Variants in SHC3 observed in about 807,000 individuals in gnomAD.
SHC3 encodes SHC adaptor protein 3, also known as SHC-transforming protein 3.
In SHC3, 15 loss-of-function variants were observed where a neutral mutation model predicts 60.4. The observed-to-expected ratio is 0.25, with a 90% CI of 0.17 to 0.38. SHC3 has a LOEUF of 0.38. SHC3 is among the 10% of genes least tolerant of loss of function. The probability of loss-of-function intolerance (pLI) is 1.00; values close to 1 mark genes in which losing one functional copy is unlikely to be tolerated. For missense variants in SHC3, 677 were observed against 786.1 expected, an observed-to-expected ratio of 0.86 and a Z score of 1.66; for synonymous variants, 294 against 325.9, an observed-to-expected ratio of 0.90 and a Z score of 1.05.
chr9:89,107,330 T>C (rs184493447), intron 2 of SHC3, among the ~76,000 whole-genome samples: 6 of 152,356 alleles, frequency 3.9e-5, no homozygotes, highest in Admixed American at 3.9e-4. Context: ...TCTGGGCTCC[T>C]TTCCTGGGTT....
intron 6 of SHC3, among the ~76,000 whole-genome samples, chr9:89,052,464 C>A (rs1824877350): frequency 6.6e-6 from 1 of 152,168 alleles, no homozygotes; most frequent in African/African-American, 2.4e-5. Flanking sequence ...GTCTATAAAG[C>A]ATCAATTCTG....
Position 89,045,843 on chromosome 9 carries a change from C to T in SHC3, c.1114-10G>A, listed in dbSNP as rs189353833. On this transcript the variant is annotated splice_polypyrimidine_tract_variant and intron_variant, in intron 8 of 11. Coordinates refer to ENST00000375835, the MANE Select transcript of SHC3 (RefSeq NM_016848.6). ...GCTCTTTTCCTGCAAACTATAGACACATGTAAATACACAGAATGAAAAAAT... is the reference window on the plus strand; with the variant it reads ...GCTCTTTTCCTGCAAACTATAGACATATGTAAATACACAGAATGAAAAAAT... 4.6e-5 allele frequency: 74 copies of T among 1,611,264 alleles called. No individual in the cohort carries two copies. In the African/African-American group the frequency reaches 8.3e-4, roughly 18 times the overall value.
rs374877030 is a variant in SHC3 at position 89,122,552 on chromosome 9, A to T, written c.475-9926T>A. Among the ~76,000 whole-genome samples the T allele has an allele frequency of 1.2e-4, 18 of 152,336 alleles. 1 individual carries two copies. The highest frequency in any genetic ancestry group is 7.7e-4 in the East Asian group (4 of 5,186). On this transcript the variant is annotated intron_variant, in intron 1 of 11. Coordinates refer to ENST00000375835, the MANE Select transcript of SHC3 (RefSeq NM_016848.6). ...ACCATATGGCTTAGGGATTCAATTA[A>T]ATGTTGGGGATTTTAGACCAAATGC...
At chr9:89,145,071 T>G (rs914107664) in intron 1 of SHC3, among the ~76,000 whole-genome samples, 11 of 152,202 alleles carry the variant, frequency 7.2e-5, no homozygotes, top group African/African-American at 2.7e-4. Flanking sequence ...GCAGTCTGCA[T>G]GCACACAGCA....
intron 2 of SHC3, chr9:89,110,448 G>T: frequency 1.0e-6 from 1 of 985,078 alleles, no homozygotes; most frequent in Non-Finnish European, 1.2e-6. Flanking sequence ...AACCATGGCA[G>T]TGGAGTTTAA....
At chr9:89,043,555 A>C (rs1026974221) in intron 9 of SHC3, among the ~76,000 whole-genome samples, 2 of 152,228 alleles carry the variant, frequency 1.3e-5, no homozygotes, top group African/African-American at 4.8e-5. Flanking sequence ...GACACGTGCC[A>C]TCGTGATACC....
chr9:89,124,243 G>A (rs1826132007), intron 1 of SHC3, among the ~76,000 whole-genome samples: 1 of 152,194 alleles, frequency 6.6e-6, no homozygotes, highest in African/African-American at 2.4e-5. Flanking sequence ...CTGTTGGTAG[G>A]AGTGTAAATT....
chr9:89,162,744 G>A (rs1587764050), intron 1 of SHC3, among the ~76,000 whole-genome samples: 2 of 150,178 alleles, frequency 1.3e-5, no homozygotes, highest in Non-Finnish European at 3.0e-5. Flanking sequence ...TTGACAAATG[G>A]GATCTAATTA....
chr9:89,073,724 A>G (rs1404806633), intron 4 of SHC3, among the ~76,000 whole-genome samples: 1 of 152,126 alleles, frequency 6.6e-6, no homozygotes, highest in East Asian at 1.9e-4. Flanking sequence ...CACTGCTCTT[A>G]GTTTGTTTTC....
intron 11 of SHC3, among the ~76,000 whole-genome samples, chr9:89,018,935 T>G (rs1392441730): frequency 6.6e-6 from 1 of 151,678 alleles, no homozygotes; most frequent in Non-Finnish European, 1.5e-5. Context: ...GGTGGGTACC[T>G]GTAATCCCAG....
At position 89,178,113 on chromosome 9, in the gene SHC3, G is replaced by A; in HGVS notation, c.348C>T (p.Pro116=). ...TGGCGGCGCTCATGGCCGGGGCGCG[G>A]GGCGCCGAGGGCGCACTGCCGTCCG... ...AAPDGSAPSA[P]RAPAMSAARK... Residue 116 remains proline (P), a synonymous_variant, in exon 1 of 12, where the codon CCC becomes CCT. Transcript: ENST00000375835. The surrounding 1 kb of genome is among the most constrained non-coding windows in gnomAD (Gnocchi z 6.9). 8.7e-7 allele frequency: 1 copy of A among 1,150,826 alleles called. No individual in the cohort carries two copies. The highest frequency in any genetic ancestry group is 1.1e-6 in the Non-Finnish European group (1 of 936,764). The allele number at this position is 1,150,826 out of a possible 1,614,324, so 71.3% of individuals were successfully genotyped here.
Position 89,007,689 on chromosome 9 carries a change from G to A in SHC3, c.*5758C>T, listed in dbSNP as rs532979518. On this transcript the variant is annotated 3_prime_UTR_variant, in exon 12 of 12. Coordinates refer to ENST00000375835, the MANE Select transcript of SHC3 (RefSeq NM_016848.6). ...AGCTATGCATGGCTGCATGAAGGAA[G>A]ATCTAAATCTGGACTTGTTTTATCC... 2.6e-5 allele frequency: 4 copies of A among 152,428 alleles called. No individual in the cohort carries two copies. The highest frequency in any genetic ancestry group is 2.0e-4 in the Admixed American group (3 of 15,298). The allele number at this position is 152,428 out of a possible 1,614,324, so 9.4% of individuals were successfully genotyped here. A position where few individuals can be genotyped will look rare whatever the true frequency, so the allele number is the denominator to read the frequency against.
intron 11 of SHC3, among the ~76,000 whole-genome samples, chr9:89,014,068 C>CCT (rs1165865272): frequency 2.0e-5 from 3 of 152,230 alleles, no homozygotes; most frequent in Non-Finnish European, 4.4e-5. Context: ...AGCCTTCCTT[C>CCT]CTCTCCAGAC....
intron 1 of SHC3, among the ~76,000 whole-genome samples, chr9:89,114,013 C>G (rs1357011457): frequency 1.3e-5 from 2 of 152,124 alleles, no homozygotes; most frequent in Non-Finnish European, 2.9e-5. Flanking sequence ...ATTATCCAAA[C>G]ACCAAAGCCA....
At chr9:89,164,719 A>C (rs566998564) in intron 1 of SHC3, among the ~76,000 whole-genome samples, 1 of 152,342 alleles carries the variant, frequency 6.6e-6, no homozygotes, top group Non-Finnish European at 1.5e-5. Flanking sequence ...GCTGAAAAAA[A>C]CCTGATATAA....
intron 11 of SHC3, among the ~76,000 whole-genome samples, chr9:89,014,330 C>G (rs563355186): frequency 1.4e-4 from 21 of 152,308 alleles, no homozygotes; most frequent in African/African-American, 4.6e-4. Flanking sequence ...TCTGAGCCGG[C>G]ACATTCACAG....
At chr9:89,046,730 A>C in intron 8 of SHC3, 114 bp downstream of exon 8, 1 of 1,214,268 alleles carries the variant, frequency 8.2e-7, no homozygotes, top group Non-Finnish European at 1.1e-6. Flanking sequence ...CTCATGATTT[A>C]CTGTGTCAAA....
chr9:89,109,253 G>C, intron 2 of SHC3: 7 of 787,646 alleles, frequency 8.9e-6, no homozygotes, highest in Non-Finnish European at 1.1e-5. Context: ...TGTCTGAAGA[G>C]AGAGGTAGAG....
intron 1 of SHC3, among the ~76,000 whole-genome samples, chr9:89,144,338 G>A (rs1036588139): frequency 1.3e-5 from 2 of 152,218 alleles, no homozygotes; most frequent in Admixed American, 1.3e-4. Context: ...AGAAACTGAT[G>A]CCTAACAGGA....
Sources: allele counts gnomAD v4.1 joint callset (sites outside exome capture counted in the v4.1 genomes callset), GRCh38; gene constraint gnomAD v4.1.1; non-coding constraint Gnocchi (gnomAD v3.1); transcripts MANE v1.5; gene names NCBI Gene and HGNC (gene_info 2026-07-23, HGNC 2026-07-21).